Variants in CPZ observed in about 807,000 individuals in gnomAD.
CPZ encodes VEZT/CPZ fusion.
CPZ carries 103 observed loss-of-function variants against 61.8 expected under a neutral mutation model. The ratio of observed to expected loss-of-function variants is 1.67; its 90% CI spans 1.42 to 1.96. The LOEUF is 1.96. CPZ is among the 30% of genes most tolerant of loss of function. The pLI, the probability that CPZ is intolerant of heterozygous loss-of-function variation, is 0.00. For synonymous variants in CPZ, 551 were observed against 373.7 expected (o/e 1.47, Z -5.47); for missense variants, 1,461 against 914.9 (o/e 1.60, Z -7.70).
chr4:8,617,907 C>G (rs906062722), intron 9 of CPZ, among the ~76,000 whole-genome samples: 2 of 152,096 alleles, frequency 1.3e-5, no homozygotes, highest in African/African-American at 4.8e-5. Context: ...CTTGTGTGTT[C>G]AGGACCAGTT....
Position 8,606,887 on chromosome 4 carries a change from T to G in CPZ, c.1057T>G (p.Trp353Gly). Residue 353 changes from tryptophan to glycine, a missense_variant, in exon 6 of 11, where the codon TGG (tryptophan) becomes GGG (glycine). Coordinates refer to ENST00000360986, the MANE Select transcript of CPZ (RefSeq NM_001014447.3). ...CCACATCCCCATCCCCCAGCACTAC[T>G]GGTGGGGTAAGGTAGGAGCCGCCGC... ...SDHIPIPQHY[W>G]WGKVAPETKA... 6.2e-7 allele frequency: 1 copy of G among 1,610,898 alleles called. No homozygotes were observed. The highest frequency in any genetic ancestry group is 8.5e-7 in the Non-Finnish European group (1 of 1,178,902).
intron 7 of CPZ, 40 bp downstream of exon 7, chr4:8,607,465 T>A: frequency 6.2e-7 from 1 of 1,602,728 alleles, no homozygotes; most frequent in Non-Finnish European, 8.5e-7. Context: ...AGGGAGACAG[T>A]GTGCGCGGTC....
chr4:8,605,379 A>G (rs1714877200), intron 4 of CPZ, among the ~76,000 whole-genome samples: 1 of 140,238 alleles, frequency 7.1e-6, no homozygotes, highest in Admixed American at 7.3e-5. Context: ...ACATCCATCC[A>G]TCATCCACCC....
intron 1 of CPZ, 55 bp downstream of exon 1, chr4:8,592,976 G>GT: frequency 4.4e-6 from 6 of 1,368,734 alleles, no homozygotes; most frequent in Non-Finnish European, 5.0e-6. Flanking sequence ...CCTCTGGGGA[G>GT]TGTGATCCGT....
At chr4:8,608,141 C>T (rs866129014) in intron 7 of CPZ, among the ~76,000 whole-genome samples, 3 of 137,982 alleles carry the variant, frequency 2.2e-5, no homozygotes, top group African/African-American at 6.1e-5. Flanking sequence ...AGCCTCCAGC[C>T]CCCAGCCCCC....
intron 7 of CPZ, among the ~76,000 whole-genome samples, chr4:8,608,155 C>CCCCAGCT (rs1433458610): frequency 1.3e-5 from 2 of 150,754 alleles, no homozygotes; most frequent in Non-Finnish European, 2.9e-5. Context: ...AGCCCCCAGC[C>CCCCAGCT]CCCAGCTGCG....
chr4:8,616,414 G>A (rs902831249), intron 9 of CPZ, among the ~76,000 whole-genome samples: 1 of 152,182 alleles, frequency 6.6e-6, no homozygotes, highest in African/African-American at 2.4e-5. Flanking sequence ...GATGCTGAGG[G>A]CCTCCTGTAA....
At position 8,607,343 on chromosome 4, in the gene CPZ, G is replaced by A; in HGVS notation, c.1145G>A (p.Gly382Asp). 1.9e-6 allele frequency: 3 copies of A among 1,614,116 alleles called. No homozygotes were observed. The South Asian group carries it at 3.3e-5, about 18-fold the overall frequency. ...GTGCTCTCAGCCAGCCTTCATGGGG[G>A]CGACCTGGTGGTGTCCTACCCCTTC... ...PFVLSASLHG[G>D]DLVVSYPFDF... Residue 382 changes from glycine to aspartate, a missense_variant, in exon 7 of 11, where the codon GGC becomes GAC. Gly to Asp is a moderately conservative substitution (Grantham distance 94). Coordinates refer to ENST00000360986, the MANE Select transcript of CPZ (RefSeq NM_001014447.3).
At position 8,603,957 on chromosome 4, in the gene CPZ, C is replaced by G. The variant is rs116765715; in HGVS notation, c.497-19C>G. ...CCTGGGGGCCTGACACTGACTGAGC[C>G]CCCCCACTGCTCCCCCAGGAGGCCT... is the stretch of plus-strand genomic sequence containing the variant. On this transcript the variant is annotated intron_variant, in intron 3 of 10. Transcript: ENST00000360986. 3.7e-6 allele frequency: 6 copies of G among 1,608,524 alleles called. No individual in the cohort carries two copies. In the East Asian group the frequency reaches 8.9e-5, roughly 24 times the overall value.
In CPZ at chr4:8,606,768, G is replaced by T; in HGVS notation, c.938G>T (p.Arg313Met). 1 of 1,614,194 alleles carries T rather than the reference G, an allele frequency of 6.2e-7. No homozygotes were observed. The highest frequency in any genetic ancestry group is 1.1e-5 in the South Asian group (1 of 91,086). The change falls in exon 6 of 11, where the codon AGG (arginine) becomes ATG (methionine). Residue 313 changes from arginine (R) to methionine (M), a missense_variant. Arg to Met is a moderately conservative substitution (Grantham distance 91). Transcript: ENST00000360986. ...GAGYNGWTSG[R>M]QNAQNLDLNR... is the part of the protein sequence containing the mutation. ...GGCTACAACGGGTGGACGAGCGGGA[G>T]GCAGAACGCGCAGAACCTGGATCTG... is the stretch of plus-strand genomic sequence containing the variant.
chr4:8,609,612 C>T (rs556301230), intron 7 of CPZ, among the ~76,000 whole-genome samples: 2 of 148,746 alleles, frequency 1.3e-5, no homozygotes, highest in South Asian at 4.2e-4. Context: ...CCCCTCTGCA[C>T]AGGCCCAGTG....
intron 9 of CPZ, among the ~76,000 whole-genome samples, chr4:8,616,836 G>A (rs75366021): frequency 0.032 from 4,910 of 152,316 alleles, 122 homozygotes; most frequent in South Asian, 0.12. Context: ...GTTCCATTAA[G>A]CAGCGAAGTG....
intron 7 of CPZ, chr4:8,611,058 A>T: frequency 2.7e-6 from 1 of 376,888 alleles, no homozygotes; most frequent in Non-Finnish European, 5.5e-6. Flanking sequence ...GCATTCGCTC[A>T]CTCACTCATT....
In CPZ at chr4:8,619,589, A is replaced by C; in HGVS notation, c.1931A>C (p.His644Pro). ...WWSYFTSLSTHRPRWLLKY is the reference protein window; with the variant it reads ...WWSYFTSLSTPRPRWLLKY Reference sequence around the variant, plus strand: ...TCCTACTTCACATCGCTGAGCACCCACAGGCCACGCTGGCTGCTCAAGTAC... The same window carrying C: ...TCCTACTTCACATCGCTGAGCACCCCCAGGCCACGCTGGCTGCTCAAGTAC... The change falls in exon 11 of 11, where the codon CAC becomes CCC. Residue 644 changes from histidine (H) to proline (P), a missense_variant. Transcript: ENST00000360986. 1.3e-6 allele frequency: 2 copies of C among 1,517,146 alleles called. No individual in the cohort carries two copies. The highest frequency in any genetic ancestry group is 1.8e-6 in the Non-Finnish European group (2 of 1,132,596). 94.0% of individuals were successfully genotyped at this position (1,517,146 alleles called of 1,614,324 possible).
At chr4:8,609,172 C>CCCT (rs1560298072) in intron 7 of CPZ, among the ~76,000 whole-genome samples, 137 of 41,832 alleles carry the variant, frequency 3.3e-3, no homozygotes, top group Middle Eastern at 0.027. Context: ...ATTCACTCAC[C>CCCT]CATTCACTCA....
chr4:8,611,941 C>T (rs1227301375), intron 7 of CPZ, 86 bp from the exon 8 acceptor site: 29 of 1,588,958 alleles, frequency 1.8e-5, no homozygotes, highest in South Asian at 7.9e-5. Context: ...GGTGTTTGCA[C>T]GCGCAGCTCC....
At chr4:8,609,118 C>A (rs925861483) in intron 7 of CPZ, among the ~76,000 whole-genome samples, 94 of 77,252 alleles carry the variant, frequency 1.2e-3, no homozygotes, top group Middle Eastern at 5.7e-3. Context: ...TTCCTCACTC[C>A]CTCACTCATT....
chr4:8,603,616 G>A, intron 3 of CPZ: 1 of 280,794 alleles, frequency 3.6e-6, no homozygotes, highest in Non-Finnish European at 6.6e-6. Flanking sequence ...AACACGCCCA[G>A]GAAAATCCCC....
chr4:8,609,212 T>C (rs1340496537), intron 7 of CPZ, among the ~76,000 whole-genome samples: 2 of 45,592 alleles, frequency 4.4e-5, no homozygotes, highest in Non-Finnish European at 1.1e-4. Flanking sequence ...ACTCACTTAC[T>C]CATTCACTTA....
Sources: allele counts gnomAD v4.1 joint callset (sites outside exome capture counted in the v4.1 genomes callset), GRCh38; gene constraint gnomAD v4.1.1; transcripts MANE v1.5; gene names NCBI Gene and HGNC (gene_info 2026-07-23, HGNC 2026-07-21).